GPR149: variants seen among roughly 807,000 people sequenced by gnomAD.
GPR149 encodes probable G protein-coupled receptor 149.
In GPR149, 50 loss-of-function variants were observed where a neutral mutation model predicts 50.2. That is an observed-to-expected ratio of 1.00 (90% CI 0.79 to 1.26). The LOEUF (loss-of-function observed/expected upper bound fraction) is 1.26, where lower values mean the gene tolerates loss of function less well. Ranked by LOEUF, GPR149 falls within the 50% of genes most tolerant of loss-of-function variation. The probability of loss-of-function intolerance (pLI) is 0.00; values close to 1 mark genes in which losing one functional copy is unlikely to be tolerated. For synonymous variants in GPR149, 405 were observed against 358.2 expected, an observed-to-expected ratio of 1.13 and a Z score of -1.48; for missense variants, 983 against 895.4, an observed-to-expected ratio of 1.10 and a Z score of -1.25.
At chr3:154,380,774 A>G (rs998072537) in intron 3 of GPR149, among the ~76,000 whole-genome samples, 11 of 152,182 alleles carry the variant, frequency 7.2e-5, no homozygotes, top group Admixed American at 2.0e-4. Context: ...GTCCAAATAA[A>G]TCCCAAGCAA....
chr3:154,421,367 T>C lies in GPR149; in HGVS notation c.1295A>G (p.Asn432Ser). Residue 432 changes from asparagine (N) to serine (S), a missense_variant, in exon 3 of 4, where the codon AAC becomes AGC. Asn to Ser is a conservative substitution (Grantham distance 46). Coordinates refer to ENST00000389740, the MANE Select transcript of GPR149 (RefSeq NM_001038705.3). ...GTCTTTTGTAGTTTCACACTCAGAG[T>C]TCATCAGGTTGTGATAGAATATGGA... ...ENSIFYHNLMNSECETTKDPQ... is the reference protein window; with the variant it reads ...ENSIFYHNLMSSECETTKDPQ... 3.1e-6 allele frequency: 5 copies of C among 1,612,814 alleles called. No individual in the cohort carries two copies. Among genetic ancestry groups the C allele is most frequent in the Non-Finnish European group, 4.2e-6 (5 of 1,179,116 alleles).
chr3:154,358,235 A>G (rs1714289428), intron 3 of GPR149, among the ~76,000 whole-genome samples: 1 of 152,166 alleles, frequency 6.6e-6, no homozygotes, highest in Admixed American at 6.5e-5. Flanking sequence ...TCACATGTAT[A>G]CATATGTAAC....
intron 3 of GPR149, among the ~76,000 whole-genome samples, chr3:154,341,911 T>G (rs1448376897): frequency 6.6e-6 from 1 of 152,140 alleles, no homozygotes; most frequent in Admixed American, 6.5e-5. Context: ...ACCCTGAAGA[T>G]GGCATTTCAA....
Position 154,428,995 on chromosome 3 carries a change from G to A in GPR149, c.621C>T (p.Gly207=). Residue 207 remains glycine, a synonymous_variant, in exon 1 of 4, where the codon GGC becomes GGT. Transcript: ENST00000389740. ...VYALAFGLLV[G]LSVPLTHRLL... is the part of the protein sequence containing the mutation. ...ATCGGTGAGTGAGTGGGACTGAGAG[G>A]CCCACGAGGAGTCCGAAGGCCAAAG... The A allele has an allele frequency of 6.2e-7, 1 of 1,614,034 alleles. No homozygotes were observed. Among genetic ancestry groups the A allele is most frequent in the Non-Finnish European group, 8.5e-7 (1 of 1,179,998 alleles).
At chr3:154,351,054 A>G (rs1714064676) in intron 3 of GPR149, among the ~76,000 whole-genome samples, 1 of 152,080 alleles carries the variant, frequency 6.6e-6, no homozygotes, top group South Asian at 2.1e-4. Context: ...CTGAATTCAC[A>G]TATAGGAACC....
chr3:154,350,633 T>G (rs772934492), intron 3 of GPR149, among the ~76,000 whole-genome samples: 3 of 152,174 alleles, frequency 2.0e-5, no homozygotes, highest in Non-Finnish European at 4.4e-5. Flanking sequence ...ATACATTTAA[T>G]ATAATTCCTA....
rs1456971498 is a variant in GPR149, at chr3:154,428,818, T to TCC, written c.796_797dup (p.Cys267AspfsTer39). 6.2e-7 allele frequency: 1 copy of TCC among 1,613,334 alleles called. No individual in the cohort carries two copies. The highest frequency in any genetic ancestry group is 1.7e-5 in the Admixed American group (1 of 59,988). ...ACACGGTGTCGGAGCTCGGAGAGCA[T>TCC]CCCCCAGAGCGCCGCAGACTCGGGC... On this transcript the variant is annotated frameshift_variant, in exon 1 of 4. Transcript: ENST00000389740. LOFTEE classifies it high-confidence loss of function.
chr3:154,384,728 C>T (rs764030139), intron 3 of GPR149, among the ~76,000 whole-genome samples: 3 of 152,228 alleles, frequency 2.0e-5, no homozygotes, highest in Non-Finnish European at 4.4e-5. Context: ...ATCTACCCAG[C>T]AACAAGGAAG....
intron 3 of GPR149, among the ~76,000 whole-genome samples, chr3:154,392,363 AAAAC>A (rs71155010): frequency 6.7e-6 from 1 of 150,102 alleles, no homozygotes; most frequent in African/African-American, 2.4e-5. Flanking sequence ...AAGACAAATG[AAAAC>A]AAACAAACAA....
chr3:154,407,454 A>T (rs6440939), intron 3 of GPR149, among the ~76,000 whole-genome samples: 145,393 of 152,026 alleles, frequency 0.96, 69,623 homozygotes, highest in East Asian at 1. Flanking sequence ...TGTGTATATC[A>T]GAACTGGGCA....
intron 3 of GPR149, among the ~76,000 whole-genome samples, chr3:154,371,964 C>T (rs1052246134): frequency 3.4e-5 from 5 of 148,640 alleles, no homozygotes; most frequent in African/African-American, 4.9e-5. Flanking sequence ...GCTCAACTCA[C>T]GGCATCTACC....
chr3:154,394,996 A>G (rs1715256759), intron 3 of GPR149, among the ~76,000 whole-genome samples: 1 of 152,146 alleles, frequency 6.6e-6, no homozygotes, highest in African/African-American at 2.4e-5. Flanking sequence ...AAAACAAATA[A>G]TTGCCTTCTT....
chr3:154,420,897 A>G lies in GPR149; in HGVS notation c.1623+142T>C, dbSNP rs1712121717. 4.7e-6 allele frequency: 3 copies of G among 643,952 alleles called. No homozygotes were observed. In the South Asian group the frequency reaches 6.4e-5, roughly 14 times the overall value. 39.9% of individuals were successfully genotyped at this position (643,952 alleles called of 1,614,324 possible). ...CCTTCAAAAGAGACCTTGAAATAAA[A>G]TTAAATAGCATGGAAATTAATTGAG... On this transcript the variant is annotated intron_variant, in intron 3 of 3. Coordinates refer to ENST00000389740, the MANE Select transcript of GPR149 (RefSeq NM_001038705.3).
At chr3:154,352,461 A>G (rs1714103426) in intron 3 of GPR149, 2 of 803,822 alleles carry the variant, frequency 2.5e-6, no homozygotes. Flanking sequence ...GCAAACACCC[A>G]TATTTCCTTT....
chr3:154,406,127 A>T (rs1711679244), intron 3 of GPR149, among the ~76,000 whole-genome samples: 2 of 151,966 alleles, frequency 1.3e-5, no homozygotes, highest in African/African-American at 4.8e-5. Flanking sequence ...ACAATTTATA[A>T]TAGAGAAAAA....
rs79601826 is a variant in GPR149 at position 154,386,150 on chromosome 3, T to C, written c.1623+34889A>G. ...ATACTTTTATCTTGTTTTACCTTAA[T>C]ATCTGGTGAAGTGAGTGTTTTCATC... On this transcript the variant is annotated intron_variant, in intron 3 of 3. Transcript: ENST00000389740. 9.2e-5 allele frequency among the ~76,000 whole-genome samples: 14 copies of C among 152,374 alleles called. No individual in the cohort carries two copies. The East Asian group carries it at 2.5e-3, about 27-fold the overall frequency.
At chr3:154,384,998 G>A (rs1715015031) in intron 3 of GPR149, among the ~76,000 whole-genome samples, 1 of 152,146 alleles carries the variant, frequency 6.6e-6, no homozygotes, top group Non-Finnish European at 1.5e-5. Context: ...TAAAGCCTTT[G>A]ATGAATATCT....
At chr3:154,374,422 C>G (rs1316056991) in intron 3 of GPR149, among the ~76,000 whole-genome samples, 1 of 151,974 alleles carries the variant, frequency 6.6e-6, no homozygotes, top group East Asian at 1.9e-4. Context: ...ATCCGCCCAC[C>G]TTGGCCTCCT....
At chr3:154,343,988 CAA>C (rs1027016251) in intron 3 of GPR149, among the ~76,000 whole-genome samples, 1 of 146,854 alleles carries the variant, frequency 6.8e-6, no homozygotes, top group Non-Finnish European at 1.5e-5. Flanking sequence ...ACCGCCCCCC[CAA>C]AAAAAAAGAA....
Sources: gnomAD v4.1 joint callset for allele counts (sites outside exome capture counted in the v4.1 genomes callset) on GRCh38, gnomAD v4.1.1 for gene constraint, MANE v1.5 for transcripts, NCBI Gene and HGNC (gene_info 2026-07-23, HGNC 2026-07-21) for gene names.